The following NHSL1 variants were observed in gnomAD, a reference collection of about 807,000 sequenced individuals.
NHSL1 encodes the protein NHS like 1, also known as NHS-like protein 1.
NHSL1 carries 48 observed loss-of-function variants against 95.0 expected under a neutral mutation model. The ratio of observed to expected loss-of-function variants is 0.51; its 90% CI spans 0.40 to 0.64. The LOEUF (loss-of-function observed/expected upper bound fraction) is 0.64, where lower values mean the gene tolerates loss of function less well. Among genes scored for constraint, NHSL1 ranks in the 30% least tolerant of loss-of-function variants. NHSL1 has a pLI of 0.00. For missense variants in NHSL1, 1,971 were observed against 2,077.7 expected (o/e 0.95, Z 1.00); for synonymous variants, 783 against 833.9 (o/e 0.94, Z 1.05).
At chr6:138,595,594 T>A (rs1437585113) in intron 1 of NHSL1, among the ~76,000 whole-genome samples, 1 of 152,152 alleles carries the variant, frequency 6.6e-6, no homozygotes. Context: ...AAAACAGATA[T>A]ATTAAGTCTT....
chr6:138,489,946 G>C (rs564789092), intron 2 of NHSL1, among the ~76,000 whole-genome samples: 1 of 53,232 alleles, frequency 1.9e-5, no homozygotes, highest in East Asian at 7.2e-4. Flanking sequence ...GGGAGAGAGG[G>C]AGAGAAGGAG....
chr6:138,566,175 A>G (rs545935135), intron 1 of NHSL1, among the ~76,000 whole-genome samples: 151 of 152,288 alleles, frequency 9.9e-4, no homozygotes, highest in Middle Eastern at 3.4e-3. Flanking sequence ...AGGTGGGCGG[A>G]TCACCTGAGG....
chr6:138,551,084 A>G (rs774665582), intron 1 of NHSL1, among the ~76,000 whole-genome samples: 1 of 152,182 alleles, frequency 6.6e-6, no homozygotes, highest in Non-Finnish European at 1.5e-5. Context: ...TATTAATTTT[A>G]TTACAGCATA....
intron 1 of NHSL1, among the ~76,000 whole-genome samples, chr6:138,644,844 T>C (rs1784996691): frequency 6.6e-6 from 1 of 152,224 alleles, no homozygotes; most frequent in African/African-American, 2.4e-5. Context: ...CTAGAGTCAA[T>C]TAATATTGGT....
chr6:138,636,766 C>CA (rs1255400255), intron 1 of NHSL1, among the ~76,000 whole-genome samples: 1 of 151,686 alleles, frequency 6.6e-6, no homozygotes, highest in East Asian at 1.9e-4. Flanking sequence ...AAGAGGACAC[C>CA]AAAAAAATGG....
chr6:138,539,935 G>A (rs1221458819), intron 1 of NHSL1, among the ~76,000 whole-genome samples: 1 of 152,030 alleles, frequency 6.6e-6, no homozygotes, highest in Admixed American at 6.6e-5. Flanking sequence ...GACTACTCAT[G>A]GAAGGAAAAA....
intron 1 of NHSL1, among the ~76,000 whole-genome samples, chr6:138,686,428 G>C (rs1785585372): frequency 6.6e-6 from 1 of 152,140 alleles, no homozygotes; most frequent in Non-Finnish European, 1.5e-5. Flanking sequence ...GGCTGAGGTG[G>C]GAGGATCATT....
chr6:138,653,337 C>T (rs944540070), intron 1 of NHSL1, among the ~76,000 whole-genome samples: 46 of 152,048 alleles, frequency 3.0e-4, no homozygotes, highest in African/African-American at 8.2e-4. Flanking sequence ...GGGTGGATCA[C>T]GAGGTCAAGG....
chr6:138,470,908 C>T (rs746176373), intron 3 of NHSL1, among the ~76,000 whole-genome samples: 2 of 152,186 alleles, frequency 1.3e-5, no homozygotes, highest in African/African-American at 4.8e-5. Context: ...GCAAATCACA[C>T]TAAGGTAATT....
At chr6:138,672,221 A>T (rs1346134884) in intron 1 of NHSL1, among the ~76,000 whole-genome samples, 2 of 152,148 alleles carry the variant, frequency 1.3e-5, no homozygotes, top group Non-Finnish European at 2.9e-5. Flanking sequence ...TTCACCATAA[A>T]TCCTCTACAA....
intron 1 of NHSL1, among the ~76,000 whole-genome samples, chr6:138,525,364 T>TAA (rs1363724497): frequency 2.0e-5 from 3 of 151,242 alleles, no homozygotes; most frequent in Non-Finnish European, 2.9e-5. Flanking sequence ...TCTCTCTCTA[T>TAA]AAAAAAATTA....
intron 1 of NHSL1, among the ~76,000 whole-genome samples, chr6:138,671,821 G>A (rs1176033617): frequency 1.3e-5 from 2 of 152,160 alleles, no homozygotes; most frequent in Non-Finnish European, 2.9e-5. Flanking sequence ...AAAAGCAATC[G>A]TGTTTGATGA....
intron 1 of NHSL1, among the ~76,000 whole-genome samples, chr6:138,567,813 G>A (rs781142399): frequency 2.4e-4 from 36 of 152,144 alleles, no homozygotes; most frequent in Non-Finnish European, 4.1e-4. Context: ...TTACTAGTCT[G>A]TACGATAAAG....
intron 1 of NHSL1, among the ~76,000 whole-genome samples, chr6:138,543,421 A>G (rs763971336): frequency 1.3e-5 from 2 of 152,244 alleles, no homozygotes; most frequent in African/African-American, 2.4e-5. Flanking sequence ...GGCCAAATTG[A>G]CAAAAAGCTG....
intron 1 of NHSL1, among the ~76,000 whole-genome samples, chr6:138,629,120 T>A (rs1346001305): frequency 6.6e-6 from 1 of 152,190 alleles, no homozygotes; most frequent in Non-Finnish European, 1.5e-5. Context: ...TCAAATAATC[T>A]TAAGTTCTGC....
chr6:138,673,752 T>C lies in NHSL1; in HGVS notation c.96+18724A>G, dbSNP rs142104057. Among the ~76,000 whole-genome samples the C allele has an allele frequency of 3.6e-4, 55 of 152,360 alleles. 2 individuals are homozygous for C. In the East Asian group the frequency reaches 0.01, roughly 29 times the overall value. ...GTCATGTTTGACATGTGAAGCTACA[T>C]GGCACTTGACAGGAGTAATTTTTAA... On this transcript the variant is annotated intron_variant, in intron 1 of 3. Coordinates refer to the NHSL1 transcript ENST00000491526.
intron 2 of NHSL1, 30 bp from the exon 3 acceptor site, chr6:138,473,463 A>G: frequency 7.2e-7 from 1 of 1,389,564 alleles, no homozygotes; most frequent in Non-Finnish European, 9.4e-7. Context: ...GAGGGGAAGG[A>G]GGCCATTAAA....
upstream of NHSL1, chr6:138,545,853 T>C (rs1159022634): frequency 1.8e-6 from 2 of 1,124,968 alleles, no homozygotes; most frequent in African/African-American, 1.6e-5. Context: ...TTTCACACCA[T>C]GGAATCAGCC....
intron 1 of NHSL1, among the ~76,000 whole-genome samples, chr6:138,540,996 G>C (rs538497352): frequency 6.6e-6 from 1 of 152,176 alleles, no homozygotes; most frequent in East Asian, 1.9e-4. Flanking sequence ...AGGAACTTGA[G>C]GTCTGTGATG....
Sources: allele counts gnomAD v4.1 joint callset (sites outside exome capture counted in the v4.1 genomes callset), GRCh38; gene constraint gnomAD v4.1.1; transcripts MANE v1.5; gene names NCBI Gene and HGNC (gene_info 2026-07-23, HGNC 2026-07-21).